PRKN: variants seen among roughly 807,000 people sequenced by gnomAD.
PRKN encodes the protein parkin RBR E3 ubiquitin protein ligase.
PRKN carries 56 observed loss-of-function variants against 59.5 expected under a neutral mutation model. That is an observed-to-expected ratio of 0.94 (90% CI 0.76 to 1.18). The LOEUF is 1.18. Among genes scored for constraint, PRKN ranks in the 50% most tolerant of loss-of-function variants. The pLI is 0.00. For synonymous variants in PRKN, 250 were observed against 222.1 expected, an observed-to-expected ratio of 1.13 and a Z score of -1.12; for missense variants, 657 against 596.4, an observed-to-expected ratio of 1.10 and a Z score of -1.06.
chr6:162,316,375 T>G (rs1406463197), intron 2 of PRKN, among the ~76,000 whole-genome samples: 4 of 152,078 alleles, frequency 2.6e-5, no homozygotes, highest in African/African-American at 9.7e-5. Context: ...ACTCACTGCT[T>G]CAGCTGAATA....
At chr6:161,702,081 T>C (rs1334622913) in intron 7 of PRKN, among the ~76,000 whole-genome samples, 3 of 152,228 alleles carry the variant, frequency 2.0e-5, no homozygotes, top group Non-Finnish European at 2.9e-5. Context: ...ATATTTATAA[T>C]CATTTTAAAT....
At chr6:162,229,024 A>G (rs1436149200) in intron 3 of PRKN, among the ~76,000 whole-genome samples, 1 of 152,182 alleles carries the variant, frequency 6.6e-6, no homozygotes, top group African/African-American at 2.4e-5. Context: ...TCTGTTTTCT[A>G]TCCAAACTCG....
intron 4 of PRKN, among the ~76,000 whole-genome samples, chr6:162,140,802 T>C (rs1455339373): frequency 6.6e-6 from 1 of 152,182 alleles, no homozygotes; most frequent in Non-Finnish European, 1.5e-5. Context: ...ATTATATTAA[T>C]TTTTAAAAGT....
chr6:162,190,579 G>A (rs1344789740), intron 4 of PRKN, among the ~76,000 whole-genome samples: 3 of 152,136 alleles, frequency 2.0e-5, no homozygotes, highest in Non-Finnish European at 2.9e-5. Flanking sequence ...CGGCTTTACT[G>A]ATGCATTTAC....
intron 7 of PRKN, among the ~76,000 whole-genome samples, chr6:161,753,763 C>G (rs1788795323): frequency 6.6e-6 from 1 of 152,110 alleles, no homozygotes; most frequent in South Asian, 2.1e-4. Context: ...AACACAAGTG[C>G]CAGAGAAGGA....
At chr6:162,033,350 C>A (rs1371025563) in intron 5 of PRKN, among the ~76,000 whole-genome samples, 1 of 152,138 alleles carries the variant, frequency 6.6e-6, no homozygotes, top group Non-Finnish European at 1.5e-5. Flanking sequence ...CTTTTATTTG[C>A]TAAATGTGTT....
chr6:161,484,979 G>T lies in PRKN; in HGVS notation c.1083+63875C>A, dbSNP rs118176611. Among the ~76,000 whole-genome samples the T allele has an allele frequency of 1.3e-5, 2 of 152,132 alleles. No homozygotes were observed. Among genetic ancestry groups the T allele is most frequent in the African/African-American group, 4.8e-5 (2 of 41,410 alleles). On this transcript the variant is annotated intron_variant, in intron 9 of 11. Transcript: ENST00000366898. This position sits in a 1 kb window ranked among gnomAD's most constrained non-coding sequence, Gnocchi z 4.9. Reference sequence around the variant, plus strand: ...GCTTCTTTGAGGCAAAAATCAGGTCGGACTAGCATCAGTGGCAAAGGAACC... The same window carrying T: ...GCTTCTTTGAGGCAAAAATCAGGTCTGACTAGCATCAGTGGCAAAGGAACC...
At chr6:162,403,335 C>T (rs567715548) in intron 2 of PRKN, among the ~76,000 whole-genome samples, 1 of 152,150 alleles carries the variant, frequency 6.6e-6, no homozygotes, top group East Asian at 1.9e-4. Flanking sequence ...CAGCCCTGTG[C>T]CTCACTCCCT....
At chr6:161,767,285 G>A (rs1032548509) in intron 7 of PRKN, among the ~76,000 whole-genome samples, 7 of 152,082 alleles carry the variant, frequency 4.6e-5, no homozygotes, top group African/African-American at 9.7e-5. Flanking sequence ...AGGCTGAGGC[G>A]GGCGGATCAC....
chr6:161,680,770 TATATA>T (rs1377432872), intron 7 of PRKN, among the ~76,000 whole-genome samples: 260 of 20,354 alleles, frequency 0.013, 2 homozygotes, highest in Non-Finnish European at 0.02. Flanking sequence ...TATATATATA[TATATA>T]TTTTTTTTTT....
intron 5 of PRKN, among the ~76,000 whole-genome samples, chr6:162,044,787 T>C (rs1784191372): frequency 6.6e-6 from 1 of 152,194 alleles, no homozygotes. Context: ...ACTCTTCCCT[T>C]GGGCCTCACC....
rs1440946547 is a variant in PRKN, at chr6:161,353,616, CATCTGT to C, written c.1286-3411_1286-3406del. Among the ~76,000 whole-genome samples, 11 of 152,318 alleles carry C rather than the reference CATCTGT, an allele frequency of 7.2e-5. No homozygotes were observed. The East Asian group carries it at 1.9e-3, about 27-fold the overall frequency. On this transcript the variant is annotated intron_variant, in intron 11 of 11. Transcript: ENST00000366898. The surrounding 1 kb of genome is among the most constrained non-coding windows in gnomAD (Gnocchi z 4.8). ...CCATACCTCGCCCTCTGCATCTCTT[CATCTGT>C]ATCTTTTGTAATATCCTTTATAATA... is the stretch of plus-strand genomic sequence containing the variant.
At chr6:161,971,453 TGCTATCAGCGCAG>T in intron 6 of PRKN, among the ~76,000 whole-genome samples, 1 of 152,240 alleles carries the variant, frequency 6.6e-6, no homozygotes, top group South Asian at 2.1e-4. Context: ...AATTACCTGC[TGCTATCAGCGCAG>T]TCAAGCCCTC....
chr6:161,416,571 G>A (rs1012874441), intron 9 of PRKN, among the ~76,000 whole-genome samples: 4 of 152,108 alleles, frequency 2.6e-5, no homozygotes, highest in African/African-American at 9.7e-5. Context: ...CCAACAGAGA[G>A]TAATAGCAAC....
At chr6:162,510,948 C>A (rs533544107) in intron 1 of PRKN, among the ~76,000 whole-genome samples, 25 of 130,300 alleles carry the variant, frequency 1.9e-4, no homozygotes, top group African/African-American at 6.7e-4. Context: ...AATAAAAAAA[C>A]AAAACATATA....
chr6:161,602,916 A>C (rs1200319625), intron 7 of PRKN, among the ~76,000 whole-genome samples: 3 of 152,246 alleles, frequency 2.0e-5, no homozygotes, highest in Non-Finnish European at 2.9e-5. Flanking sequence ...ATTTAAGTAC[A>C]GTAAGAGGCA....
intron 6 of PRKN, among the ~76,000 whole-genome samples, chr6:161,955,081 C>T (rs1184613741): frequency 2.0e-5 from 3 of 152,274 alleles, no homozygotes; most frequent in Admixed American, 6.5e-5. Context: ...AGGAAGTCAT[C>T]GTCCTGTCTC....
intron 6 of PRKN, among the ~76,000 whole-genome samples, chr6:161,916,658 GT>G (rs1374778195): frequency 6.6e-6 from 1 of 151,920 alleles, no homozygotes; most frequent in African/African-American, 2.4e-5. Context: ...TGCTCTTCTT[GT>G]TTTTAAAAAA....
At chr6:162,448,763 T>G (rs1363430425) in intron 1 of PRKN, among the ~76,000 whole-genome samples, 4 of 152,088 alleles carry the variant, frequency 2.6e-5, no homozygotes, top group African/African-American at 9.7e-5. Flanking sequence ...TCCCAAATCC[T>G]TATTTCCAGA....
Sources: gnomAD v4.1 joint callset for allele counts (sites outside exome capture counted in the v4.1 genomes callset) on GRCh38, gnomAD v4.1.1 for gene constraint, Gnocchi (gnomAD v3.1) non-coding constraint, MANE v1.5 for transcripts, NCBI Gene and HGNC (gene_info 2026-07-23, HGNC 2026-07-21) for gene names.